CPQ: variants seen among roughly 807,000 people sequenced by gnomAD.
CPQ encodes the protein Ser-Met dipeptidase.
A neutral mutation model predicts 45.7 loss-of-function variants in CPQ; 37 were observed. The observed-to-expected ratio is 0.81, with a 90% confidence interval of 0.62 to 1.07. The LOEUF (loss-of-function observed/expected upper bound fraction) is 1.07, where lower values mean the gene tolerates loss of function less well. CPQ is among the 50% of genes least tolerant of loss of function. The probability of loss-of-function intolerance (pLI) is 0.00; values close to 1 mark genes in which losing one functional copy is unlikely to be tolerated. For synonymous variants in CPQ, 186 were observed against 205.8 expected (o/e 0.90, Z 0.82); for missense variants, 537 against 572.9 (o/e 0.94, Z 0.64).
chr8:97,110,426 G>A (rs1429955282), intron 7 of CPQ, among the ~76,000 whole-genome samples: 1 of 152,122 alleles, frequency 6.6e-6, no homozygotes, highest in Non-Finnish European at 1.5e-5. Context: ...GAGCTACTAT[G>A]TACGTACTTA....
intron 3 of CPQ, among the ~76,000 whole-genome samples, chr8:96,877,801 C>T (rs1812168057): frequency 6.6e-6 from 1 of 152,058 alleles, no homozygotes. Flanking sequence ...AGCTGGGATC[C>T]GACCTAGGTT....
chr8:96,727,328 T>C (rs1809856547), intron 1 of CPQ, among the ~76,000 whole-genome samples: 1 of 152,214 alleles, frequency 6.6e-6, no homozygotes, highest in Admixed American at 6.5e-5. Context: ...GGGACCTGCA[T>C]TAAAACACAT....
At chr8:97,099,550 G>GT (rs1200145139) in intron 7 of CPQ, among the ~76,000 whole-genome samples, 241 of 142,784 alleles carry the variant, frequency 1.7e-3, no homozygotes, top group East Asian at 2.8e-3. Context: ...AGATATGTGT[G>GT]TTTTTTTTTT....
At chr8:97,022,718 A>C (rs565870305) in intron 5 of CPQ, among the ~76,000 whole-genome samples, 18 of 152,142 alleles carry the variant, frequency 1.2e-4, no homozygotes, top group African/African-American at 4.3e-4. Flanking sequence ...TAATCAAAAA[A>C]TCAAAAAATA....
chr8:96,805,273 C>G (rs1811064394), intron 2 of CPQ, among the ~76,000 whole-genome samples: 1 of 152,186 alleles, frequency 6.6e-6, no homozygotes, highest in African/African-American at 2.4e-5. Context: ...TTTGCATGCT[C>G]TGGTTTTTTT....
chr8:96,777,746 ATATATATATATATATTTTTTTTTTTTT>A (rs1810628765), intron 1 of CPQ, among the ~76,000 whole-genome samples: 1 of 13,696 alleles, frequency 7.3e-5, no homozygotes, highest in African/African-American at 3.4e-4. Context: ...ATATATATAT[ATATATATATATATATTTTTTTTTTTTT>A]TTTTTTTTTT....
chr8:96,790,228 G>A (rs917021051), intron 2 of CPQ, among the ~76,000 whole-genome samples: 3 of 152,096 alleles, frequency 2.0e-5, no homozygotes, highest in South Asian at 2.1e-4. Flanking sequence ...GAGAACATTC[G>A]TGCTACTGCA....
chr8:96,772,420 C>T (rs747482737), intron 1 of CPQ, among the ~76,000 whole-genome samples: 5 of 151,978 alleles, frequency 3.3e-5, no homozygotes, highest in African/African-American at 7.2e-5. Context: ...AAACTCTTGA[C>T]GGGGTATGGA....
intron 1 of CPQ, among the ~76,000 whole-genome samples, chr8:96,661,048 C>T (rs1433596571): frequency 1.3e-5 from 2 of 152,108 alleles, no homozygotes; most frequent in African/African-American, 4.8e-5. Flanking sequence ...GGCAGTTGCT[C>T]TGAACATAGT....
chr8:97,121,692 G>A (rs1360427143), intron 7 of CPQ, among the ~76,000 whole-genome samples: 1 of 152,052 alleles, frequency 6.6e-6, no homozygotes, highest in Non-Finnish European at 1.5e-5. Context: ...AAGAGAAGCA[G>A]ACCTAGAAAT....
intron 6 of CPQ, among the ~76,000 whole-genome samples, chr8:97,048,067 G>A (rs1034104103): frequency 2.0e-5 from 3 of 152,072 alleles, no homozygotes; most frequent in African/African-American, 7.2e-5. Context: ...CCAAGGACAG[G>A]GATACATCAG....
intron 4 of CPQ, among the ~76,000 whole-genome samples, chr8:96,916,425 A>G (rs1479161206): frequency 6.6e-6 from 1 of 152,176 alleles, no homozygotes; most frequent in African/African-American, 2.4e-5. Context: ...GTGTGAGTTT[A>G]AAATGGAGAG....
intron 6 of CPQ, among the ~76,000 whole-genome samples, chr8:97,036,679 T>A (rs898283673): frequency 6.6e-6 from 1 of 152,186 alleles, no homozygotes; most frequent in Non-Finnish European, 1.5e-5. Flanking sequence ...AGAAAAAACA[T>A]ACCTAGCTTC....
chr8:96,885,822 AC>A (rs1213261323), intron 4 of CPQ, among the ~76,000 whole-genome samples: 1 of 152,048 alleles, frequency 6.6e-6, no homozygotes, highest in African/African-American at 2.4e-5. Context: ...CCCCATCTCT[AC>A]TAAAAAATAC....
intron 6 of CPQ, among the ~76,000 whole-genome samples, chr8:97,030,694 A>G (rs777271422): frequency 2.0e-5 from 3 of 152,236 alleles, no homozygotes; most frequent in Admixed American, 1.3e-4. Flanking sequence ...TATGTTCCAT[A>G]CACTATGTTA....
intron 1 of CPQ, among the ~76,000 whole-genome samples, chr8:96,736,353 G>A (rs779672525): frequency 4.6e-5 from 7 of 152,108 alleles, no homozygotes; most frequent in African/African-American, 1.7e-4. Context: ...GCTGAAGATG[G>A]CATGCTTTGT....
chr8:96,694,752 T>C (rs1586362112), intron 1 of CPQ, among the ~76,000 whole-genome samples: 1 of 152,010 alleles, frequency 6.6e-6, no homozygotes, highest in African/African-American at 2.4e-5. Flanking sequence ...CCAAAACCTA[T>C]AGGATACAGT....
At chr8:96,665,697 A>G (rs554836595) in intron 1 of CPQ, among the ~76,000 whole-genome samples, 1 of 152,298 alleles carries the variant, frequency 6.6e-6, no homozygotes, top group South Asian at 2.1e-4. Flanking sequence ...CCAGGGTTCA[A>G]ATATGATATG....
intron 4 of CPQ, among the ~76,000 whole-genome samples, chr8:96,891,042 A>C (rs757862088): frequency 2.8e-4 from 43 of 152,362 alleles, no homozygotes; most frequent in Non-Finnish European, 5.0e-4. Flanking sequence ...TTCAAAAGTC[A>C]TTCCACCATT....
Sources: gnomAD v4.1 joint callset for allele counts (sites outside exome capture counted in the v4.1 genomes callset) on GRCh38, gnomAD v4.1.1 for gene constraint, MANE v1.5 for transcripts, NCBI Gene and HGNC (gene_info 2026-07-23, HGNC 2026-07-21) for gene names.